Variants in SPON1 observed in about 807,000 individuals in gnomAD.
SPON1 encodes spondin-1.
In SPON1, 52 loss-of-function variants were observed where a neutral mutation model predicts 111.7. The ratio of observed to expected loss-of-function variants is 0.47; its 90% CI spans 0.37 to 0.59. The LOEUF (loss-of-function observed/expected upper bound fraction) is 0.59. Ranked by LOEUF, SPON1 falls within the 20% of genes least tolerant of loss-of-function variation. The pLI, the probability that SPON1 is intolerant of heterozygous loss-of-function variation, is 0.00. For missense variants in SPON1, 957 were observed against 1,068.5 expected, an observed-to-expected ratio of 0.90 and a Z score of 1.46; for synonymous variants, 410 against 395.8, an observed-to-expected ratio of 1.04 and a Z score of -0.43.
Position 14,147,751 on chromosome 11 carries a change from C to CTTTTTTT in SPON1, c.825+12190_825+12196dup, listed in dbSNP as rs66888680. On this transcript the variant is annotated intron_variant, in intron 6 of 15. Coordinates refer to ENST00000576479, the MANE Select transcript of SPON1 (RefSeq NM_006108.4). ...TTTTAAGTAGTGGAAAATACTAAGA[C>CTTTTTTT]TTTTTTTTTTTTTGAGAGGAGTCTC... Among the ~76,000 whole-genome samples, 23 of 145,746 alleles carry CTTTTTTT rather than the reference C, an allele frequency of 1.6e-4. 1 individual carries two copies. Among genetic ancestry groups the CTTTTTTT allele is most frequent in the African/African-American group, 3.8e-4 (15 of 39,680 alleles).
chr11:13,993,829 C>CA (rs1848250495), intron 2 of SPON1, among the ~76,000 whole-genome samples: 2 of 152,196 alleles, frequency 1.3e-5, no homozygotes, highest in South Asian at 4.1e-4. Flanking sequence ...TTAAGCACAG[C>CA]ATTTGCACTA....
At chr11:14,061,776 C>T (rs529836295) in intron 3 of SPON1, among the ~76,000 whole-genome samples, 1 of 152,360 alleles carries the variant, frequency 6.6e-6, no homozygotes, top group African/African-American at 2.4e-5. Flanking sequence ...GTTCTCTTCT[C>T]AGCTGTCACT....
chr11:14,160,846 TATATTTA>T (rs1847929094), intron 6 of SPON1, among the ~76,000 whole-genome samples: 1 of 54,728 alleles, frequency 1.8e-5, no homozygotes, highest in Non-Finnish European at 3.1e-5. Context: ...TATATATTTA[TATATTTA>T]TATATATTTA....
intron 5 of SPON1, among the ~76,000 whole-genome samples, chr11:14,102,643 C>G (rs963651187): frequency 6.6e-6 from 1 of 152,166 alleles, no homozygotes; most frequent in Non-Finnish European, 1.5e-5. Context: ...TAGTCTTGTT[C>G]AATCTGGAAT....
intron 3 of SPON1, among the ~76,000 whole-genome samples, chr11:14,049,417 T>G (rs1485299679): frequency 6.6e-6 from 1 of 152,224 alleles, no homozygotes; most frequent in African/African-American, 2.4e-5. Flanking sequence ...CAGGCCCATC[T>G]GAGTCACACC....
At chr11:14,036,738 C>T (rs1848597138) in intron 2 of SPON1, among the ~76,000 whole-genome samples, 1 of 151,852 alleles carries the variant, frequency 6.6e-6, no homozygotes, top group Admixed American at 6.6e-5. Context: ...TACGACTGAA[C>T]CTTGAGCAAG....
chr11:14,227,542 A>G (rs1227383882), intron 6 of SPON1, among the ~76,000 whole-genome samples: 3 of 152,158 alleles, frequency 2.0e-5, no homozygotes, highest in Admixed American at 1.3e-4. Context: ...GATGCAGACC[A>G]CTGACTTTTT....
Position 14,072,150 on chromosome 11 carries a change from C to G in SPON1, c.480-3195C>G, listed in dbSNP as rs868918633. Among the ~76,000 whole-genome samples the G allele has an allele frequency of 2.6e-5, 4 of 152,142 alleles. No individual in the cohort carries two copies. In the Middle Eastern group the frequency reaches 0.014, roughly 517 times the overall value. ...GGTTTTGGGTGAAGAATTTGAGGAC[C>G]TGTCATATATAAAGCATAAGTTATA... On this transcript the variant is annotated intron_variant, in intron 3 of 15. Coordinates refer to ENST00000576479, the MANE Select transcript of SPON1 (RefSeq NM_006108.4).
chr11:14,157,880 G>A (rs1163373541), intron 6 of SPON1, among the ~76,000 whole-genome samples: 1 of 151,784 alleles, frequency 6.6e-6, no homozygotes, highest in Non-Finnish European at 1.5e-5. Flanking sequence ...ATTCCAGTTT[G>A]TTGCTAAAAT....
intron 6 of SPON1, among the ~76,000 whole-genome samples, chr11:14,170,334 C>A (rs1156842228): frequency 6.6e-6 from 1 of 152,054 alleles, no homozygotes; most frequent in Non-Finnish European, 1.5e-5. Flanking sequence ...GTGATTTTTG[C>A]ACATTGATTT....
At chr11:14,208,574 A>G (rs147090537) in intron 6 of SPON1, among the ~76,000 whole-genome samples, 2,855 of 152,302 alleles carry the variant, frequency 0.019, 44 homozygotes, top group Non-Finnish European at 0.028. Flanking sequence ...GTTCATTACT[A>G]ATAGCTCCCA....
intron 6 of SPON1, among the ~76,000 whole-genome samples, chr11:14,184,658 C>T (rs1236537210): frequency 6.6e-6 from 1 of 152,162 alleles, no homozygotes; most frequent in African/African-American, 2.4e-5. Flanking sequence ...TTTGTCTTCC[C>T]TGGCTCTGAC....
At position 14,267,484 on chromosome 11, in the gene SPON1, T is replaced by C. The variant is rs1416167799; in HGVS notation, c.*1797T>C. Reference sequence around the variant, plus strand: ...CATGTAGAAGCACCCACTTTTGCAATGTTGTTCTAAGCTATCTATCTAACT... The same window carrying C: ...CATGTAGAAGCACCCACTTTTGCAACGTTGTTCTAAGCTATCTATCTAACT... On this transcript the variant is annotated 3_prime_UTR_variant, in exon 16 of 16. Coordinates refer to ENST00000576479, the MANE Select transcript of SPON1 (RefSeq NM_006108.4). 1 of 152,248 alleles carries C rather than the reference T, an allele frequency of 6.6e-6. No homozygotes were observed. The highest frequency in any genetic ancestry group is 1.5e-5 in the Non-Finnish European group (1 of 68,050). The allele number at this position is 152,248 out of a possible 1,614,324, so 9.4% of individuals were successfully genotyped here.
intron 5 of SPON1, among the ~76,000 whole-genome samples, chr11:14,096,326 A>G (rs543859538): frequency 2.3e-4 from 35 of 152,338 alleles, no homozygotes; most frequent in African/African-American, 8.4e-4. Context: ...AAGCAGACTC[A>G]GTCCCAGAGG....
intron 6 of SPON1, among the ~76,000 whole-genome samples, chr11:14,191,945 C>T (rs1317560117): frequency 1.3e-5 from 2 of 152,068 alleles, no homozygotes; most frequent in African/African-American, 4.8e-5. Flanking sequence ...GTTTTTACAG[C>T]CATGTTTGTA....
chr11:14,061,409 T>C (rs1456226267), intron 3 of SPON1, among the ~76,000 whole-genome samples: 1 of 152,266 alleles, frequency 6.6e-6, no homozygotes, highest in African/African-American at 2.4e-5. Context: ...TCCAGTCATC[T>C]AATTCTGTTA....
At chr11:14,152,010 G>A (rs1315803818) in intron 6 of SPON1, among the ~76,000 whole-genome samples, 1 of 152,050 alleles carries the variant, frequency 6.6e-6, no homozygotes, top group Non-Finnish European at 1.5e-5. Flanking sequence ...CTGCCTCCTT[G>A]GATCTTCCAG....
chr11:14,243,146 C>T (rs977260984), intron 6 of SPON1, among the ~76,000 whole-genome samples, 186 bp from the exon 7 acceptor site: 6 of 152,166 alleles, frequency 3.9e-5, no homozygotes, highest in Non-Finnish European at 8.8e-5. Context: ...GACACTCAGT[C>T]CCCTCTCCCG....
chr11:14,198,259 T>C (rs10766166), intron 6 of SPON1, among the ~76,000 whole-genome samples: 63,029 of 152,014 alleles, frequency 0.41, 13,219 homozygotes, highest in East Asian at 0.55. Context: ...TTCTTAGACA[T>C]ACTCAAGTTT....
Sources: gnomAD v4.1 joint callset for allele counts (sites outside exome capture counted in the v4.1 genomes callset) on GRCh38, gnomAD v4.1.1 for gene constraint, MANE v1.5 for transcripts, NCBI Gene and HGNC (gene_info 2026-07-23, HGNC 2026-07-21) for gene names.